Variants in PDCD11 observed in about 807,000 individuals in gnomAD.
PDCD11 encodes the protein protein RRP5 homolog.
PDCD11 carries 97 observed loss-of-function variants against 198.9 expected under a neutral mutation model. The ratio of observed to expected loss-of-function variants is 0.49; its 90% CI spans 0.41 to 0.58. The LOEUF is 0.58. Ranked by LOEUF, PDCD11 falls within the 20% of genes least tolerant of loss-of-function variation. PDCD11 has a pLI of 0.00. For missense variants in PDCD11, 2,102 were observed against 2,312.7 expected (o/e 0.91, Z 1.87); for synonymous variants, 893 against 918.0 (o/e 0.97, Z 0.49).
intron 25 of PDCD11, among the ~76,000 whole-genome samples, chr10:103,436,546 A>G (rs1479784773): frequency 6.6e-6 from 1 of 152,234 alleles, no homozygotes; most frequent in Non-Finnish European, 1.5e-5. Flanking sequence ...CCCAGCCACC[A>G]GCACCTACCT....
Position 103,419,675 on chromosome 10 carries a change from C to G in PDCD11, c.2244C>G (p.Phe748Leu), listed in dbSNP as rs201271419. ...SIKDYGVFIQ[F>L]PSGLSGLAPK... The stretch of plus-strand genomic sequence containing the variant: ...AGGACTATGGCGTGTTCATCCAGTT[C>G]CCCTCAGGTCTTAGCGGACTGGCCC... The change falls in exon 16 of 36, where the codon TTC (phenylalanine) becomes TTG (leucine). Residue 748 changes from phenylalanine to leucine, a missense_variant. By Grantham distance (22) the Phe-to-Leu change is conservative. Coordinates refer to ENST00000369797, the MANE Select transcript of PDCD11 (RefSeq NM_014976.2). 4 of 1,613,974 alleles carry G rather than the reference C, an allele frequency of 2.5e-6. No individual in the cohort carries two copies. In the African/African-American group the frequency reaches 4.0e-5, roughly 16 times the overall value.
intron 8 of PDCD11, among the ~76,000 whole-genome samples, chr10:103,411,382 T>C (rs1191323981): frequency 6.6e-6 from 1 of 152,224 alleles, no homozygotes; most frequent in African/African-American, 2.4e-5. Flanking sequence ...TATTTATTTT[T>C]TGAGACAAGG....
Position 103,442,411 on chromosome 10 carries a change from G to A in PDCD11, c.4906G>A (p.Glu1636Lys), listed in dbSNP as rs1486449659. The change falls in exon 32 of 36, where the codon GAG becomes AAG. Residue 1636 changes from glutamate to lysine, a missense_variant. Physicochemically the swap from Glu to Lys is moderately conservative, Grantham distance 56. Transcript: ENST00000369797. ...MAFHLQATEI[E>K]KARAVAERAL... The stretch of plus-strand genomic sequence containing the variant: ...TTTCCACCTGCAGGCCACGGAGATC[G>A]AGAAGGCCCGTGCCGTGGCTGAGAG... The A allele has an allele frequency of 6.8e-6, 11 of 1,614,050 alleles. No individual in the cohort carries two copies. Among genetic ancestry groups the A allele is most frequent in the African/African-American group, 1.3e-5 (1 of 74,912 alleles).
At chr10:103,429,943 A>C (rs1282287724) in intron 21 of PDCD11, among the ~76,000 whole-genome samples, 1 of 152,124 alleles carries the variant, frequency 6.6e-6, no homozygotes, top group African/African-American at 2.4e-5. Flanking sequence ...TGATGTCTTC[A>C]AGGTTTATCC....
intron 21 of PDCD11, among the ~76,000 whole-genome samples, chr10:103,427,743 C>G (rs2031759604): frequency 6.6e-6 from 1 of 152,112 alleles, no homozygotes; most frequent in African/African-American, 2.4e-5. Context: ...TTATTTCAAC[C>G]TAGACGACTG....
At chr10:103,418,027 A>G (rs1405985430) in intron 14 of PDCD11, 95 bp downstream of exon 14, 7 of 1,372,236 alleles carry the variant, frequency 5.1e-6, no homozygotes, top group Non-Finnish European at 1.0e-6. Context: ...CGAAGCGGAA[A>G]GATAGAGGTA....
chr10:103,397,588 C>G (rs941096784), intron 1 of PDCD11, among the ~76,000 whole-genome samples: 9 of 152,226 alleles, frequency 5.9e-5, no homozygotes, highest in African/African-American at 2.2e-4. Flanking sequence ...CGCAGGCCAC[C>G]ACGCCCGGCT....
Position 103,441,810 on chromosome 10 carries a change from C to T in PDCD11, c.4558-16C>T, listed in dbSNP as rs999948355. The T allele has an allele frequency of 1.9e-6, 3 of 1,613,068 alleles. No homozygotes were observed. The highest frequency in any genetic ancestry group is 1.7e-6 in the Non-Finnish European group (2 of 1,179,484). ...CTGAGCCAGGTGCTTTCTTTAGCGC[C>T]TCTGTGTTCCTCCAGGAGAAGCAAA... On this transcript the variant is annotated splice_polypyrimidine_tract_variant and intron_variant, in intron 30 of 35. Coordinates refer to ENST00000369797, the MANE Select transcript of PDCD11 (RefSeq NM_014976.2).
Position 103,425,311 on chromosome 10 carries a change from C to T in PDCD11, c.3091C>T (p.His1031Tyr). The part of the protein sequence containing the change: ...PALTVGTIKK[H>Y]TLSIGDMVTG... ...TCTGACTGTAGGGACCATAAAGAAGCACACCCTCTCCATCGGGGACATGGT... is the reference window on the plus strand; with the variant it reads ...TCTGACTGTAGGGACCATAAAGAAGTACACCCTCTCCATCGGGGACATGGT... The change falls in exon 20 of 36, where the codon CAC (histidine) becomes TAC (tyrosine). Residue 1031 changes from histidine to tyrosine, a missense_variant. Transcript: ENST00000369797. 1 of 1,614,156 alleles carries T rather than the reference C, an allele frequency of 6.2e-7. No homozygotes were observed. The highest frequency in any genetic ancestry group is 8.5e-7 in the Non-Finnish European group (1 of 1,180,002).
chr10:103,416,344 A>G (rs1386984520), intron 12 of PDCD11, 147 bp from the exon 13 acceptor site: 1 of 733,358 alleles, frequency 1.4e-6, no homozygotes, highest in Non-Finnish European at 2.4e-6. Context: ...AGCAGGAAGA[A>G]TCTGCCACTG....
At position 103,416,654 on chromosome 10, in the gene PDCD11, TCTA is replaced by T; in HGVS notation, c.1684_1686del (p.Tyr562del). The T allele has an allele frequency of 6.2e-7, 1 of 1,614,198 alleles. No homozygotes were observed. The highest frequency in any genetic ancestry group is 8.5e-7 in the Non-Finnish European group (1 of 1,180,010). ...AAGGACTATGGCTGCATTGTGAAGT[TCTA>T]CAACAATGTGCAGGGACTGGTGCCC... On this transcript the variant is annotated inframe_deletion, in exon 13 of 36. Coordinates refer to ENST00000369797, the MANE Select transcript of PDCD11 (RefSeq NM_014976.2).
chr10:103,415,277 G>A lies in PDCD11; in HGVS notation c.1518+126G>A, dbSNP rs1387626193. The A allele has an allele frequency of 4.3e-6, 4 of 924,090 alleles. No individual in the cohort carries two copies. In the African/African-American group the frequency reaches 4.9e-5, roughly 11 times the overall value. The allele number at this position is 924,090 out of a possible 1,614,324, so 57.2% of individuals were successfully genotyped here. A position where few individuals can be genotyped will look rare whatever the true frequency, so the allele number is the denominator to read the frequency against. On this transcript the variant is annotated intron_variant, in intron 12 of 35. Coordinates refer to ENST00000369797, the MANE Select transcript of PDCD11 (RefSeq NM_014976.2). ...CTGTAGTGTGTCTTGTGCTGTACCT[G>A]GCATTGGGAAGAGAAAAGTGAGTCC... is the stretch of plus-strand genomic sequence containing the variant.
At chr10:103,443,764 T>A (rs546120640) in intron 33 of PDCD11, 151 bp from the exon 34 acceptor site, 1 of 773,366 alleles carries the variant, frequency 1.3e-6, no homozygotes, top group Admixed American at 2.3e-5. Flanking sequence ...TGAGCCTCCC[T>A]CCCGCTCCTC....
chr10:103,443,944 G>A lies in PDCD11; in HGVS notation c.5154G>A (p.Leu1718=). The change falls in exon 34 of 36, where the codon CTG becomes CTA. Residue 1718 remains leucine, a synonymous_variant. Transcript: ENST00000369797. ...CTGGTGAACTCTACAACCGGATGCT[G>A]AAGCGTTTCCGGCAGGAGAAAGCTG... ...QEAGELYNRM[L]KRFRQEKAVW... 1 of 1,614,206 alleles carries A rather than the reference G, an allele frequency of 6.2e-7. No homozygotes were observed. The highest frequency in any genetic ancestry group is 8.5e-7 in the Non-Finnish European group (1 of 1,180,042).
At chr10:103,434,588 C>A in intron 24 of PDCD11, 1 of 589,528 alleles carries the variant, frequency 1.7e-6, no homozygotes. Flanking sequence ...GTGTTTTTCT[C>A]AAGTCCCTGG....
At position 103,444,034 on chromosome 10, in the gene PDCD11, G is replaced by A; in HGVS notation, c.5244G>A (p.Leu1748=). The change falls in exon 34 of 36, where the codon CTG becomes CTA. Residue 1748 remains leucine, a synonymous_variant. Coordinates refer to ENST00000369797, the MANE Select transcript of PDCD11 (RefSeq NM_014976.2). Reference sequence around the variant, plus strand: ...AGGCTGCAGCCAGTCACCGCGTGCTGCAGCGAGCCCTGGAGTGCCTGCCTA... The same window carrying A: ...AGGCTGCAGCCAGTCACCGCGTGCTACAGCGAGCCCTGGAGTGCCTGCCTA... ...RSQAAASHRV[L]QRALECLPSK... 6.2e-7 allele frequency: 1 copy of A among 1,612,568 alleles called. No homozygotes were observed. Among genetic ancestry groups the A allele is most frequent in the Non-Finnish European group, 8.5e-7 (1 of 1,179,982 alleles).
At chr10:103,443,129 C>T in intron 32 of PDCD11, 36 bp from the exon 33 acceptor site, 1 of 1,531,032 alleles carries the variant, frequency 6.5e-7, no homozygotes, top group South Asian at 1.3e-5. Context: ...TCACTGGTTT[C>T]ATGTGGCGCT....
rs555437925 is a variant in PDCD11, at chr10:103,439,986, A to C, written c.4148+118A>C. The C allele has an allele frequency of 2.8e-5, 35 of 1,270,270 alleles. No individual in the cohort carries two copies. The East Asian group carries it at 7.9e-4, about 29-fold the overall frequency. 78.7% of individuals were successfully genotyped at this position (1,270,270 alleles called of 1,614,324 possible). On this transcript the variant is annotated intron_variant, in intron 28 of 35. Coordinates refer to ENST00000369797, the MANE Select transcript of PDCD11 (RefSeq NM_014976.2). ...CATAATGGCTTGCGTAGTGGTGTTC[A>C]GATGAATAAAAGGCCTTTGTTTGGA...
chr10:103,398,657 T>C (rs1241957093), intron 2 of PDCD11, 129 bp downstream of exon 2: 5 of 662,018 alleles, frequency 7.6e-6, no homozygotes, highest in East Asian at 2.7e-5. Context: ...CTTCTATAAA[T>C]TTAACTCATT....
Sources: allele counts gnomAD v4.1 joint callset (sites outside exome capture counted in the v4.1 genomes callset), GRCh38; gene constraint gnomAD v4.1.1; transcripts MANE v1.5; gene names NCBI Gene and HGNC (gene_info 2026-07-23, HGNC 2026-07-21).